ZBTB20: variants seen among roughly 807,000 people sequenced by gnomAD.
ZBTB20 encodes the protein zinc finger and BTB domain-containing protein 20.
ZBTB20 carries 9 observed loss-of-function variants against 56.9 expected under a neutral mutation model. That is an observed-to-expected ratio of 0.16 (90% confidence interval 0.10 to 0.28). ZBTB20 has a LOEUF of 0.28. ZBTB20 is among the 10% of genes least tolerant of loss of function. The pLI is 1.00. For missense variants in ZBTB20, 655 were observed against 1,003.0 expected (o/e 0.65, Z 4.69); for synonymous variants, 417 against 420.7 (o/e 0.99, Z 0.11).
At position 115,071,400 on chromosome 3, in the gene ZBTB20, A is replaced by C. The variant is rs986902819; in HGVS notation, c.-688T>G. The C allele has an allele frequency of 3.9e-5, 6 of 152,212 alleles. No individual in the cohort carries two copies. Among genetic ancestry groups the C allele is most frequent in the African/African-American group, 1.4e-4 (6 of 41,440 alleles). 9.4% of individuals were successfully genotyped at this position (152,212 alleles called of 1,614,324 possible). ...CAGAAGCCAAGGAGTGTTGTACGGT[A>C]AGTCCTGGCAGTGCCTTTGGTGAGG... On this transcript the variant is annotated 5_prime_UTR_variant, in exon 2 of 12. Coordinates refer to ENST00000675478, the MANE Select transcript of ZBTB20 (RefSeq NM_001348800.3).
chr3:114,932,837 T>C (rs1220898991), intron 3 of ZBTB20, among the ~76,000 whole-genome samples: 1 of 152,184 alleles, frequency 6.6e-6, no homozygotes, highest in African/African-American at 2.4e-5. Flanking sequence ...GCAGAGTTTG[T>C]TTCCCCCACT....
At chr3:114,679,190 A>C (rs1032179757) in intron 6 of ZBTB20, among the ~76,000 whole-genome samples, 1 of 152,170 alleles carries the variant, frequency 6.6e-6, no homozygotes, top group South Asian at 2.1e-4. Flanking sequence ...CTAGAAGAAA[A>C]CCTAGGCAAT....
intron 2 of ZBTB20, among the ~76,000 whole-genome samples, chr3:115,045,557 T>C (rs1398520455): frequency 6.6e-6 from 1 of 151,300 alleles, no homozygotes; most frequent in Non-Finnish European, 1.5e-5. Flanking sequence ...TTAAGCCTCC[T>C]TAAAGAAAAA....
chr3:114,323,172 A>C lies in ZBTB20; in HGVS notation c.*15833T>G, dbSNP rs1384733051. 6.6e-6 allele frequency: 1 copy of C among 152,258 alleles called. No homozygotes were observed. Among genetic ancestry groups the C allele is most frequent in the Non-Finnish European group, 1.5e-5 (1 of 68,040 alleles). The allele number at this position is 152,258 out of a possible 1,614,324, so 9.4% of individuals were successfully genotyped here. On this transcript the variant is annotated 3_prime_UTR_variant, in exon 12 of 12. Coordinates refer to ENST00000675478, the MANE Select transcript of ZBTB20 (RefSeq NM_001348800.3). ...ATTACTTCTAAGATTAAAAAAGATAATAAAAATAAATTTAACAAAGAAAAG... is the reference window on the plus strand; with the variant it reads ...ATTACTTCTAAGATTAAAAAAGATACTAAAAATAAATTTAACAAAGAAAAG...
intron 3 of ZBTB20, among the ~76,000 whole-genome samples, chr3:114,960,593 C>T (rs1258023825): frequency 6.6e-6 from 1 of 152,200 alleles, no homozygotes; most frequent in Non-Finnish European, 1.5e-5. Flanking sequence ...TATTATATTT[C>T]ACTAGTGATA....
At chr3:114,476,236 C>T (rs1276211493) in intron 7 of ZBTB20, among the ~76,000 whole-genome samples, 1 of 152,120 alleles carries the variant, frequency 6.6e-6, no homozygotes, top group East Asian at 1.9e-4. Context: ...TAGAGTTGAA[C>T]ATCTAGCTTA....
intron 1 of ZBTB20, among the ~76,000 whole-genome samples, chr3:115,126,789 T>C (rs1294359718): frequency 6.6e-6 from 1 of 152,186 alleles, no homozygotes; most frequent in Non-Finnish European, 1.5e-5. Context: ...TAAGGGAATA[T>C]AGGTGTAAGG....
chr3:114,602,418 A>C (rs2056829262), intron 6 of ZBTB20, among the ~76,000 whole-genome samples: 1 of 152,002 alleles, frequency 6.6e-6, no homozygotes, highest in African/African-American at 2.4e-5. Flanking sequence ...ATCTCCTTAC[A>C]CATCTTTTAA....
At chr3:114,758,086 C>A (rs747723165) in intron 5 of ZBTB20, among the ~76,000 whole-genome samples, 1 of 152,038 alleles carries the variant, frequency 6.6e-6, no homozygotes, top group Non-Finnish European at 1.5e-5. Flanking sequence ...AGTTTGTTGT[C>A]GATGAAAGCG....
At chr3:114,995,835 A>C (rs1012818214) in intron 2 of ZBTB20, among the ~76,000 whole-genome samples, 5 of 151,864 alleles carry the variant, frequency 3.3e-5, no homozygotes, top group South Asian at 2.1e-4. Flanking sequence ...AACTACATTG[A>C]ATTAACTGAT....
rs2066685482 is a variant in ZBTB20, at chr3:114,742,554, C to T, written c.-342-48979G>A. On this transcript the variant is annotated intron_variant, in intron 5 of 11. Coordinates refer to ENST00000675478, the MANE Select transcript of ZBTB20 (RefSeq NM_001348800.3). ...ATTTAATTTAATTTTCATAGATCTC[C>T]TACAAGACAAGTGCTATTATTTTCA... 1.3e-5 allele frequency among the ~76,000 whole-genome samples: 2 copies of T among 152,060 alleles called. 1 individual carries two copies. The highest frequency in any genetic ancestry group is 4.1e-4 in the South Asian group (2 of 4,826).
chr3:114,987,013 G>C (rs2078575029), intron 2 of ZBTB20, among the ~76,000 whole-genome samples: 1 of 151,920 alleles, frequency 6.6e-6, no homozygotes, highest in South Asian at 2.1e-4. Flanking sequence ...AAATATTTTT[G>C]TAGCTTCAAC....
At chr3:114,968,034 A>G (rs1231365147) in intron 3 of ZBTB20, among the ~76,000 whole-genome samples, 1 of 152,132 alleles carries the variant, frequency 6.6e-6, no homozygotes, top group African/African-American at 2.4e-5. Context: ...CTCACAAGCT[A>G]TTATATAAAA....
chr3:115,114,771 T>C (rs926012518), intron 1 of ZBTB20, among the ~76,000 whole-genome samples: 2 of 152,122 alleles, frequency 1.3e-5, no homozygotes, highest in Non-Finnish European at 2.9e-5. Context: ...AAAAAGCAGT[T>C]ACCTTCTCAC....
intron 6 of ZBTB20, among the ~76,000 whole-genome samples, chr3:114,569,230 A>T (rs1459009343): frequency 6.6e-6 from 1 of 152,228 alleles, no homozygotes; most frequent in Admixed American, 6.5e-5. Flanking sequence ...AATAGGTGAG[A>T]TGATTCTAAT....
chr3:114,641,983 GC>G (rs2059587254), intron 6 of ZBTB20, among the ~76,000 whole-genome samples: 1 of 151,958 alleles, frequency 6.6e-6, no homozygotes, highest in South Asian at 2.1e-4. Flanking sequence ...TGTTATGCAT[GC>G]CATTTTTGTT....
intron 6 of ZBTB20, among the ~76,000 whole-genome samples, chr3:114,615,739 TTGAG>T (rs1485526550): frequency 6.6e-6 from 1 of 152,190 alleles, no homozygotes; most frequent in Non-Finnish European, 1.5e-5. Flanking sequence ...TCTGGAGTGA[TTGAG>T]TATTTATAGA....
intron 2 of ZBTB20, among the ~76,000 whole-genome samples, chr3:115,057,122 C>T (rs982068561): frequency 1.2e-4 from 18 of 152,092 alleles, no homozygotes; most frequent in African/African-American, 4.3e-4. Context: ...TCTTCTCTAA[C>T]ACCTCTGGTG....
intron 7 of ZBTB20, among the ~76,000 whole-genome samples, chr3:114,466,910 T>C (rs2092576803): frequency 6.6e-6 from 1 of 152,168 alleles, no homozygotes; most frequent in South Asian, 2.1e-4. Context: ...AAAAAATCTG[T>C]AGGTTTCAGT....
Sources: allele counts gnomAD v4.1 joint callset (sites outside exome capture counted in the v4.1 genomes callset), GRCh38; gene constraint gnomAD v4.1.1; transcripts MANE v1.5; gene names NCBI Gene and HGNC (gene_info 2026-07-23, HGNC 2026-07-21).